Variants in BPIFC observed in about 807,000 individuals in gnomAD.
BPIFC encodes the protein BPI fold containing family C, also known as BPI fold-containing family C protein.
In BPIFC, 60 loss-of-function variants were observed where a neutral mutation model predicts 57.6. The observed-to-expected ratio is 1.04, with a 90% CI of 0.85 to 1.29. The LOEUF (loss-of-function observed/expected upper bound fraction) is 1.29. Ranked by LOEUF, BPIFC falls within the 50% of genes most tolerant of loss-of-function variation. BPIFC has a pLI of 0.00. For synonymous variants in BPIFC, 243 were observed against 224.5 expected (o/e 1.08, Z -0.74); for missense variants, 581 against 600.5 (o/e 0.97, Z 0.34).
At chr22:32,441,981 G>A (rs1441083156) in intron 8 of BPIFC, among the ~76,000 whole-genome samples, 1 of 152,204 alleles carries the variant, frequency 6.6e-6, no homozygotes. Flanking sequence ...TGCTGCCACT[G>A]ATCTGACAGG....
intron 13 of BPIFC, among the ~76,000 whole-genome samples, chr22:32,430,341 C>T (rs1051664705): frequency 6.6e-6 from 1 of 152,122 alleles, no homozygotes; most frequent in African/African-American, 2.4e-5. Flanking sequence ...GGTTCCTTAA[C>T]TCCCAAAGCT....
At chr22:32,430,833 AG>A (rs1934218941) in intron 13 of BPIFC, among the ~76,000 whole-genome samples, 1 of 151,948 alleles carries the variant, frequency 6.6e-6, no homozygotes, top group African/African-American at 2.4e-5. Context: ...TGTAGAGATG[AG>A]GTCTCACTTT....
chr22:32,419,219 A>C lies in BPIFC; in HGVS notation c.1260+143T>G, dbSNP rs577823695. 7 of 816,774 alleles carry C rather than the reference A, an allele frequency of 8.6e-6. No homozygotes were observed. The African/African-American group carries it at 1.0e-4, about 12-fold the overall frequency. 50.6% of individuals were successfully genotyped at this position (816,774 alleles called of 1,614,324 possible). ...ATGGGCTCAATTGATGAGTAGCTAC[A>C]TAAAGAATTTCAAAGTTAAGTCCTA... On this transcript the variant is annotated intron_variant, in intron 14 of 16. Transcript: ENST00000300399.
chr22:32,442,236 G>T (rs1322778006), intron 8 of BPIFC, among the ~76,000 whole-genome samples: 4 of 152,242 alleles, frequency 2.6e-5, no homozygotes, highest in African/African-American at 9.6e-5. Context: ...AGATGAAGCA[G>T]AGAGAGGTAA....
intron 8 of BPIFC, among the ~76,000 whole-genome samples, chr22:32,438,176 A>C (rs1316122186): frequency 1.3e-5 from 2 of 152,148 alleles, no homozygotes; most frequent in African/African-American, 2.4e-5. Flanking sequence ...CAACCCCTAC[A>C]TACACTGTAA....
chr22:32,419,505 T>A, intron 13 of BPIFC, 101 bp from the exon 14 acceptor site: 47 of 1,172,196 alleles, frequency 4.0e-5, no homozygotes, highest in Non-Finnish European at 4.3e-5. Flanking sequence ...AGTCACTATT[T>A]AAAAAAAAAC....
At chr22:32,416,673 A>G (rs1933687751) in intron 15 of BPIFC, among the ~76,000 whole-genome samples, 1 of 152,176 alleles carries the variant, frequency 6.6e-6, no homozygotes. Flanking sequence ...GTGCAAGGAG[A>G]AGGCCCAGGA....
intron 14 of BPIFC, 86 bp from the exon 15 acceptor site, chr22:32,417,234 A>G (rs1400437358): frequency 3.2e-6 from 3 of 947,066 alleles, no homozygotes; most frequent in Non-Finnish European, 4.9e-6. Context: ...GGAGTGCAGT[A>G]GTGTGATCAT....
chr22:32,451,371 T>C (rs1934891660), intron 4 of BPIFC, among the ~76,000 whole-genome samples: 1 of 152,204 alleles, frequency 6.6e-6, no homozygotes, highest in South Asian at 2.1e-4. Context: ...TGATTTATAC[T>C]CCTTTGGGTA....
intron 4 of BPIFC, among the ~76,000 whole-genome samples, chr22:32,450,872 G>A (rs893259192): frequency 6.6e-6 from 1 of 152,040 alleles, no homozygotes; most frequent in African/African-American, 2.4e-5. Flanking sequence ...CAAGCATTTT[G>A]GATAAGGGAT....
intron 8 of BPIFC, among the ~76,000 whole-genome samples, chr22:32,441,027 C>G (rs555391134): frequency 6.6e-6 from 1 of 152,184 alleles, no homozygotes; most frequent in Non-Finnish European, 1.5e-5. Context: ...GCAGTCCCTA[C>G]ACATCCCTGA....
At chr22:32,457,831 C>T (rs545231132) in intron 2 of BPIFC, among the ~76,000 whole-genome samples, 2 of 152,308 alleles carry the variant, frequency 1.3e-5, no homozygotes, top group African/African-American at 4.8e-5. Flanking sequence ...CTCTGGGATC[C>T]CACCACACTT....
chr22:32,418,750 G>A (rs757267671), intron 14 of BPIFC, among the ~76,000 whole-genome samples: 3 of 152,092 alleles, frequency 2.0e-5, no homozygotes, highest in Non-Finnish European at 4.4e-5. Context: ...TTCTGACACC[G>A]AAACCCACTT....
intron 9 of BPIFC, among the ~76,000 whole-genome samples, chr22:32,437,413 T>TA (rs1934439807): frequency 6.6e-6 from 1 of 152,172 alleles, no homozygotes; most frequent in South Asian, 2.1e-4. Context: ...TTTTTTGAGA[T>TA]AGAGTCTTGC....
At chr22:32,449,960 T>G (rs1359944634) in intron 4 of BPIFC, among the ~76,000 whole-genome samples, 1 of 151,984 alleles carries the variant, frequency 6.6e-6, no homozygotes, top group Non-Finnish European at 1.5e-5. Context: ...GGTCTCGATC[T>G]CCTGACCTTC....
chr22:32,440,572 A>G (rs1934536344), intron 8 of BPIFC, among the ~76,000 whole-genome samples: 1 of 152,150 alleles, frequency 6.6e-6, no homozygotes. Context: ...ATAATACAAC[A>G]CAGCAAAGGC....
Position 32,417,927 on chromosome 22 carries a change from T to C in BPIFC, c.1261-779A>G, listed in dbSNP as rs568592761. ...CTCTGTCGCCCAGGCTGGAGTGCAGTGGGTATGTCTTTATCACCATTGTGA... is the reference window on the plus strand; with the variant it reads ...CTCTGTCGCCCAGGCTGGAGTGCAGCGGGTATGTCTTTATCACCATTGTGA... On this transcript the variant is annotated intron_variant, in intron 14 of 16. Transcript: ENST00000300399. 1.7e-4 allele frequency among the ~76,000 whole-genome samples: 26 copies of C among 152,112 alleles called. No homozygotes were observed. The South Asian group carries it at 4.8e-3, about 28-fold the overall frequency.
In BPIFC at chr22:32,461,647, G is replaced by A. The variant is rs906584306; in HGVS notation, c.-74C>T. 26 of 985,418 alleles carry A rather than the reference G, an allele frequency of 2.6e-5. No homozygotes were observed. Among genetic ancestry groups the A allele is most frequent in the Non-Finnish European group, 3.1e-5 (26 of 830,038 alleles). 61.0% of individuals were successfully genotyped at this position (985,418 alleles called of 1,614,324 possible). ...CTTGATCCTTTAGTTGCCCTTGGAGGTTAGTCAAGGTGTCCTGGAAAGGGG... is the reference window on the plus strand; with the variant it reads ...CTTGATCCTTTAGTTGCCCTTGGAGATTAGTCAAGGTGTCCTGGAAAGGGG... On this transcript the variant is annotated 5_prime_UTR_variant, in exon 2 of 17. Transcript: ENST00000300399.
chr22:32,431,130 T>G (rs1254051104), intron 13 of BPIFC, among the ~76,000 whole-genome samples: 1 of 151,668 alleles, frequency 6.6e-6, no homozygotes, highest in Non-Finnish European at 1.5e-5. Context: ...TTTTTTTTTT[T>G]TTTGAGACAG....
Sources: allele counts gnomAD v4.1 joint callset (sites outside exome capture counted in the v4.1 genomes callset), GRCh38; gene constraint gnomAD v4.1.1; transcripts MANE v1.5; gene names NCBI Gene and HGNC (gene_info 2026-07-23, HGNC 2026-07-21).